The following CDC40 variants were observed in gnomAD, a reference collection of about 807,000 sequenced individuals.
The protein encoded by CDC40 is pre-mRNA-processing factor 17.
In CDC40, 27 loss-of-function variants were observed where a neutral mutation model predicts 80.6. That is an observed-to-expected ratio of 0.33 (90% CI 0.25 to 0.46). The LOEUF is 0.46. CDC40 is among the 20% of genes least tolerant of loss of function. CDC40 has a pLI of 1.00. For missense variants in CDC40, 486 were observed against 694.1 expected, an observed-to-expected ratio of 0.70 and a Z score of 3.37; for synonymous variants, 221 against 232.6, an observed-to-expected ratio of 0.95 and a Z score of 0.45.
chr6:110,182,212 TATA>T (rs774053737), intron 1 of CDC40, among the ~76,000 whole-genome samples: 6 of 152,234 alleles, frequency 3.9e-5, no homozygotes, highest in African/African-American at 7.2e-5. Context: ...CTAACAGAAT[TATA>T]ATAATTGTCA....
chr6:110,180,708 A>C, intron 1 of CDC40, 75 bp downstream of exon 1: 1 of 1,039,258 alleles, frequency 9.6e-7, no homozygotes, highest in Non-Finnish European at 1.5e-6. Context: ...CTTGTTAGGT[A>C]CCGGGTTACC....
intron 13 of CDC40, among the ~76,000 whole-genome samples, chr6:110,227,516 T>C (rs1777881328): frequency 1.3e-5 from 2 of 152,184 alleles, no homozygotes; most frequent in African/African-American, 4.8e-5. Context: ...CTATTACAGA[T>C]TTTGTGCCCA....
intron 1 of CDC40, 58 bp from the exon 2 acceptor site, chr6:110,193,124 T>C: frequency 9.7e-7 from 1 of 1,034,788 alleles, no homozygotes; most frequent in Non-Finnish European, 1.5e-6. Flanking sequence ...TTAATGTGGC[T>C]TCTAAAATAA....
intron 14 of CDC40, among the ~76,000 whole-genome samples, chr6:110,229,649 G>C (rs1777910145): frequency 6.6e-6 from 1 of 152,112 alleles, no homozygotes; most frequent in South Asian, 2.1e-4. Flanking sequence ...TGTGGAATTG[G>C]TTCTCCAGTC....
intron 9 of CDC40, among the ~76,000 whole-genome samples, chr6:110,215,930 T>G (rs1777694551): frequency 6.6e-6 from 1 of 152,184 alleles, no homozygotes. Context: ...TAACGGCATG[T>G]GAATGATCAC....
chr6:110,219,188 A>G (rs549464260), intron 10 of CDC40, among the ~76,000 whole-genome samples, 176 bp from the exon 11 acceptor site: 2 of 152,302 alleles, frequency 1.3e-5, no homozygotes, highest in Admixed American at 6.5e-5. Flanking sequence ...TTTTGAAAAA[A>G]TTATTTTTAA....
At chr6:110,221,186 C>T (rs1478799863) in intron 12 of CDC40, among the ~76,000 whole-genome samples, 4 of 152,042 alleles carry the variant, frequency 2.6e-5, no homozygotes, top group Non-Finnish European at 5.9e-5. Context: ...GGATGGAAGC[C>T]GCCATGTTTT....
chr6:110,230,326 T>C lies in CDC40; in HGVS notation c.*195T>C. On this transcript the variant is annotated 3_prime_UTR_variant, in exon 15 of 15. Transcript: ENST00000307731. ...TTTTGTTTTTTATAAATGTTATTTA[T>C]ACAGAAAGTGGCTATTGACTTTCTA... 1 of 493,988 alleles carries C rather than the reference T, an allele frequency of 2.0e-6. No individual in the cohort carries two copies. Among genetic ancestry groups the C allele is most frequent in the Non-Finnish European group, 3.5e-6 (1 of 285,276 alleles). 30.6% of individuals were successfully genotyped at this position (493,988 alleles called of 1,614,324 possible).
chr6:110,181,487 C>T (rs1036592564), intron 1 of CDC40, among the ~76,000 whole-genome samples: 1 of 152,152 alleles, frequency 6.6e-6, no homozygotes, highest in African/African-American at 2.4e-5. Context: ...TCCAAAAATT[C>T]CTTTGTATCA....
At chr6:110,228,497 A>G (rs551140377) in intron 13 of CDC40, among the ~76,000 whole-genome samples, 1 of 152,210 alleles carries the variant, frequency 6.6e-6, no homozygotes, top group East Asian at 1.9e-4. Flanking sequence ...TGTTGTCTAT[A>G]CTTACTATAA....
Position 110,232,066 on chromosome 6 carries a change from T to C in CDC40, c.*1935T>C, listed in dbSNP as rs1315563605. On this transcript the variant is annotated 3_prime_UTR_variant, in exon 15 of 15. Coordinates refer to ENST00000307731, the MANE Select transcript of CDC40 (RefSeq NM_015891.3). ...GACAAAAAGAATCATACATTTAAAC[T>C]GTCTTGTTCAGCATACCAATATTGT... 1 of 151,262 alleles carries C rather than the reference T, an allele frequency of 6.6e-6. No individual in the cohort carries two copies. The highest frequency in any genetic ancestry group is 6.6e-5 in the Admixed American group (1 of 15,096). The allele number at this position is 151,262 out of a possible 1,614,324, so 9.4% of individuals were successfully genotyped here.
chr6:110,208,092 C>T (rs549612572), intron 4 of CDC40, among the ~76,000 whole-genome samples: 7 of 152,260 alleles, frequency 4.6e-5, no homozygotes, highest in South Asian at 2.1e-4. Context: ...ATACGCTAAA[C>T]GCTAACTTGT....
chr6:110,204,468 G>C (rs1197879252), intron 3 of CDC40, among the ~76,000 whole-genome samples: 1 of 152,014 alleles, frequency 6.6e-6, no homozygotes, highest in Non-Finnish European at 1.5e-5. Flanking sequence ...TTTAAAACAT[G>C]GTAGTGAATA....
chr6:110,223,864 G>A (rs902702469), intron 12 of CDC40, among the ~76,000 whole-genome samples: 9 of 144,138 alleles, frequency 6.2e-5, no homozygotes, highest in Non-Finnish European at 1.1e-4. Context: ...ACAGAGTCTC[G>A]CTCTGTCACC....
At chr6:110,216,389 C>T (rs985938611) in intron 9 of CDC40, among the ~76,000 whole-genome samples, 3 of 152,178 alleles carry the variant, frequency 2.0e-5, no homozygotes, top group Non-Finnish European at 2.9e-5. Context: ...TAAGGCCTCC[C>T]TGCACAAATT....
chr6:110,202,087 A>G (rs1318126526), intron 3 of CDC40, among the ~76,000 whole-genome samples: 1 of 152,186 alleles, frequency 6.6e-6, no homozygotes, highest in Non-Finnish European at 1.5e-5. Flanking sequence ...CTCAAATCTT[A>G]TCTTGGAAAT....
intron 1 of CDC40, among the ~76,000 whole-genome samples, chr6:110,189,474 G>T (rs980631375): frequency 1.3e-5 from 2 of 152,030 alleles, no homozygotes; most frequent in Non-Finnish European, 2.9e-5. Flanking sequence ...CCTGTACCCT[G>T]ACTACACCAA....
intron 8 of CDC40, among the ~76,000 whole-genome samples, chr6:110,213,394 T>G (rs1276401655): frequency 2.7e-5 from 4 of 150,098 alleles, no homozygotes; most frequent in Admixed American, 1.3e-4. Context: ...TTTGTTTTTT[T>G]GTTTTTTTTT....
intron 3 of CDC40, among the ~76,000 whole-genome samples, chr6:110,206,806 A>G (rs539268288): frequency 6.6e-6 from 1 of 152,314 alleles, no homozygotes; most frequent in East Asian, 1.9e-4. Flanking sequence ...CAAGAAGAAA[A>G]GGAAAATGGT....
Sources: allele counts gnomAD v4.1 joint callset (sites outside exome capture counted in the v4.1 genomes callset), GRCh38; gene constraint gnomAD v4.1.1; transcripts MANE v1.5; gene names NCBI Gene and HGNC (gene_info 2026-07-23, HGNC 2026-07-21).